DICER1: variants seen among roughly 807,000 people sequenced by gnomAD.
DICER1 encodes the protein endoribonuclease Dicer.
DICER1 carries 43 observed loss-of-function variants against 194.1 expected under a neutral mutation model. The ratio of observed to expected loss-of-function variants is 0.22; its 90% CI spans 0.17 to 0.29. The LOEUF (loss-of-function observed/expected upper bound fraction) is 0.29, where lower values mean the gene tolerates loss of function less well. Ranked by LOEUF, DICER1 falls within the 10% of genes least tolerant of loss-of-function variation. DICER1 has a pLI of 1.00. For missense variants in DICER1, 1,608 were observed against 2,317.0 expected (o/e 0.69, Z 6.28); for synonymous variants, 832 against 820.5 (o/e 1.01, Z -0.24).
At chr14:95,140,148 T>C (rs559077413) in intron 1 of DICER1, among the ~76,000 whole-genome samples, 2 of 152,308 alleles carry the variant, frequency 1.3e-5, no homozygotes, top group South Asian at 4.1e-4. Context: ...TGACTGTTTT[T>C]CAACTATAGA....
chr14:95,145,149 G>A (rs920524670), intron 1 of DICER1, among the ~76,000 whole-genome samples: 6 of 152,062 alleles, frequency 3.9e-5, no homozygotes, highest in African/African-American at 1.4e-4. Context: ...GCCCCTGTGC[G>A]TGCAAAAATA....
chr14:95,106,745 C>T (rs564593422), intron 17 of DICER1, among the ~76,000 whole-genome samples: 25 of 151,808 alleles, frequency 1.6e-4, no homozygotes, highest in Non-Finnish European at 3.7e-4. Flanking sequence ...TATTGTATTG[C>T]CCCAAAACTC....
intron 3 of DICER1, 81 bp downstream of exon 3, chr14:95,132,425 AATTTAACTT>A (rs1269542677): frequency 7.2e-7 from 1 of 1,384,858 alleles, no homozygotes; most frequent in African/African-American, 1.4e-5. Context: ...TTTCTTCAAT[AATTTAACTT>A]AAGAAACACA....
chr14:95,136,126 G>T (rs1178137917), intron 1 of DICER1, among the ~76,000 whole-genome samples: 1 of 121,026 alleles, frequency 8.3e-6, no homozygotes, highest in African/African-American at 3.5e-5. Flanking sequence ...CACACACACA[G>T]CTGATAAAGC....
At chr14:95,115,916 T>C (rs1165201192) in intron 10 of DICER1, 95 bp from the exon 11 acceptor site, 1 of 1,236,342 alleles carries the variant, frequency 8.1e-7, no homozygotes, top group African/African-American at 1.5e-5. Flanking sequence ...CTCCTGAAAA[T>C]ATCTCTCTCT....
chr14:95,092,103 G>A (rs370481262), intron 24 of DICER1, among the ~76,000 whole-genome samples: 41 of 152,018 alleles, frequency 2.7e-4, no homozygotes, highest in East Asian at 1.5e-3. Flanking sequence ...TTAATTACTC[G>A]GCCATAAAGA....
chr14:95,096,744 A>C (rs1179453634), intron 22 of DICER1, 31 bp from the exon 23 acceptor site: 15 of 1,568,818 alleles, frequency 9.6e-6, no homozygotes, highest in Non-Finnish European at 1.3e-5. Flanking sequence ...GAAGGAGGGG[A>C]AACATAGCTG....
chr14:95,131,428 A>G, intron 4 of DICER1, 81 bp downstream of exon 4: 1 of 1,391,016 alleles, frequency 7.2e-7, no homozygotes. Flanking sequence ...TAAATCAGAC[A>G]ACCAAGGCTA....
chr14:95,117,883 C>T, intron 8 of DICER1, 129 bp from the exon 9 acceptor site: 1 of 822,298 alleles, frequency 1.2e-6, no homozygotes, highest in Non-Finnish European at 1.9e-6. Context: ...GGTCTTGGTC[C>T]TTTTTTCCCA....
chr14:95,116,738 T>C lies in DICER1; in HGVS notation c.1510-43A>G, dbSNP rs202069569. 160 of 1,603,922 alleles carry C rather than the reference T, an allele frequency of 1.0e-4. 3 individuals are homozygous for C. The South Asian group carries it at 1.7e-3, about 17-fold the overall frequency. ...CCAAGAAAAGCACTTCTAAGAAAATTTCTAAAATGAACAAAAAAAATTAGT... is the reference window on the plus strand; with the variant it reads ...CCAAGAAAAGCACTTCTAAGAAAATCTCTAAAATGAACAAAAAAAATTAGT... On this transcript the variant is annotated intron_variant, in intron 9 of 26. Coordinates refer to ENST00000343455, the MANE Select transcript of DICER1 (RefSeq NM_177438.3).
chr14:95,149,581 C>T (rs1207228813), intron 1 of DICER1, among the ~76,000 whole-genome samples: 1 of 152,102 alleles, frequency 6.6e-6, no homozygotes, highest in Non-Finnish European at 1.5e-5. Flanking sequence ...GCTGTTATTG[C>T]CATCTCCCTC....
rs368992725 is a variant in DICER1 at position 95,148,113 on chromosome 14, G to C, written c.-46+9117C>G. On this transcript the variant is annotated intron_variant, in intron 1 of 26. Coordinates refer to ENST00000343455, the MANE Select transcript of DICER1 (RefSeq NM_177438.3). Reference sequence around the variant, plus strand: ...CATGCACAGGGTTAGGTATGGAGAAGGGGTATAGAGCTTCCAAGCCCTCCC... The same window carrying C: ...CATGCACAGGGTTAGGTATGGAGAACGGGTATAGAGCTTCCAAGCCCTCCC... 3.9e-5 allele frequency among the ~76,000 whole-genome samples: 6 copies of C among 152,204 alleles called. No homozygotes were observed. In the East Asian group the frequency reaches 1.2e-3, roughly 29 times the overall value.
At chr14:95,136,086 T>A (rs868665959) in intron 1 of DICER1, among the ~76,000 whole-genome samples, 1 of 146,550 alleles carries the variant, frequency 6.8e-6, no homozygotes, top group East Asian at 2.0e-4. Context: ...TACATGTAGA[T>A]ACACACACAC....
rs1595379089 is a variant in DICER1 at position 95,107,681 on chromosome 14, T to C, written c.2731A>G (p.Ser911Gly). 1.9e-6 allele frequency: 3 copies of C among 1,613,494 alleles called. No individual in the cohort carries two copies. The highest frequency in any genetic ancestry group is 1.1e-5 in the South Asian group (1 of 91,060). The change falls in exon 17 of 27, where the codon AGT becomes GGT. Residue 911 changes from serine (S) to glycine (G), a missense_variant. Ser to Gly is a moderately conservative substitution (Grantham distance 56). Transcript: ENST00000343455. The stretch of plus-strand genomic sequence containing the variant: ...GGTGTTTCTTTTGTATACTTTGTAC[T>C]GGGAATGCCTATGCGAGCTTCAGAC... ...EKSEARIGIP[S>G]TKYTKETPFV... is the part of the protein sequence containing the mutation.
At chr14:95,107,815 T>G in intron 16 of DICER1, 54 bp from the exon 17 acceptor site, 1 of 1,610,586 alleles carries the variant, frequency 6.2e-7, no homozygotes. Flanking sequence ...CAGATAAGTT[T>G]CATACCAAAG....
rs1287881514 is a variant in DICER1, at chr14:95,113,137, T to C, written c.1995A>G (p.Ser665=). The change falls in exon 12 of 27, where the codon TCA becomes TCG. Residue 665 remains serine, a synonymous_variant. Transcript: ENST00000343455. ...TRELPDGTFY[S]TLYLPINSPL... The stretch of plus-strand genomic sequence containing the variant: ...GTGAGTTAATTGGCAGATAAAGAGT[T>C]GAATAAAATGTACCATCAGGCAACT... The C allele has an allele frequency of 6.2e-7, 1 of 1,613,754 alleles. No individual in the cohort carries two copies. Among genetic ancestry groups the C allele is most frequent in the Non-Finnish European group, 8.5e-7 (1 of 1,179,676 alleles).
rs878855241 is a variant in DICER1, at chr14:95,124,404, A to G, written c.1168T>C (p.Tyr390His). ...ACGCTTTCAAACTGCTGTCGCTCAT[A>G]TGGTTTATATTTGCGTAAGATTTCG... ...LLEILRKYKPYERQQFESVEW... is the reference protein window; with the variant it reads ...LLEILRKYKPHERQQFESVEW... Residue 390 changes from tyrosine (Y) to histidine (H), a missense_variant, in exon 8 of 27, where the codon TAT becomes CAT. Tyr to His is a moderately conservative substitution (Grantham distance 83, BLOSUM62 2). Around this residue, in one of 10 missense-constraint regions of DICER1, gnomAD observed 657 missense variants for 910.1 expected, o/e 0.72. Coordinates refer to ENST00000343455, the MANE Select transcript of DICER1 (RefSeq NM_177438.3). The surrounding 1 kb of genome is among the most constrained non-coding windows in gnomAD (Gnocchi z 4.5). The G allele has an allele frequency of 2.5e-6, 4 of 1,614,020 alleles. No individual in the cohort carries two copies. Among genetic ancestry groups the G allele is most frequent in the Non-Finnish European group, 3.4e-6 (4 of 1,180,016 alleles).
Position 95,096,668 on chromosome 14 carries a change from C to T in DICER1, c.4252G>A (p.Glu1418Lys), listed in dbSNP as rs1421729263. The T allele has an allele frequency of 5.6e-6, 9 of 1,612,646 alleles. No individual in the cohort carries two copies. The highest frequency in any genetic ancestry group is 1.6e-4 in the Middle Eastern group (1 of 6,078). ...CTCTCCTCCTCCTCATCCTCCTCCTCGTAATCCTCATCCAGTTTGCCATTC... is the reference window on the plus strand; with the variant it reads ...CTCTCCTCCTCCTCATCCTCCTCCTTGTAATCCTCATCCAGTTTGCCATTC... Reference protein sequence around the residue: ...LANGKLDEDYEEEDEEEESLM... With the variant: ...LANGKLDEDYKEEDEEEESLM... Residue 1418 changes from glutamate to lysine, a missense_variant, in exon 23 of 27, where the codon GAG (glutamate) becomes AAG (lysine). Transcript: ENST00000343455.
intron 10 of DICER1, 128 bp from the exon 11 acceptor site, chr14:95,115,949 C>G (rs1377128703): frequency 1.1e-6 from 1 of 887,780 alleles, no homozygotes; most frequent in Non-Finnish European, 1.8e-6. Context: ...CTTCAGTACT[C>G]CAAAGTAACC....
Sources: allele counts gnomAD v4.1 joint callset (sites outside exome capture counted in the v4.1 genomes callset), GRCh38; gene constraint gnomAD v4.1.1; regional missense constraint gnomAD v4.1.1; non-coding constraint Gnocchi (gnomAD v3.1); transcripts MANE v1.5; gene names NCBI Gene and HGNC (gene_info 2026-07-23, HGNC 2026-07-21).